The following ITM2A variants were observed in gnomAD, a reference collection of about 807,000 sequenced individuals.
ITM2A encodes integral membrane protein 2A, also known as BRICHOS domain containing 2A.
Under a neutral mutation model 16.6 loss-of-function variants are expected in ITM2A, and 11 were observed. The ratio of observed to expected loss-of-function variants is 0.66; its 90% CI spans 0.42 to 1.10. The LOEUF (loss-of-function observed/expected upper bound fraction) is 1.10. ITM2A is among the 50% of genes least tolerant of loss of function. The pLI, the probability that ITM2A is intolerant of heterozygous loss-of-function variation, is 0.00. For synonymous variants in ITM2A, 102 were observed against 71.2 expected, an observed-to-expected ratio of 1.43 and a Z score of -2.18; for missense variants, 243 against 206.8, an observed-to-expected ratio of 1.17 and a Z score of -1.07.
intron 1 of ITM2A, chrX:79,366,709 C>T (rs1445555808): frequency 7.8e-6 from 1 of 127,460 alleles, no homozygotes; most frequent in African/African-American, 3.2e-5. Context: ...GCTCACCCCC[C>T]TGTGTCCCCT....
chrX:79,362,739 A>C (rs1291804146), intron 3 of ITM2A, 48 bp from the exon 4 acceptor site: 8 of 932,497 alleles, frequency 8.6e-6, no homozygotes, highest in Non-Finnish European at 1.2e-5. Context: ...AGGCATTAAC[A>C]TTGCGAATTT....
At position 79,360,755 on chromosome X, in the gene ITM2A, G is replaced by T. The variant is rs1301443604; in HGVS notation, c.*334C>A. On this transcript the variant is annotated 3_prime_UTR_variant, in exon 6 of 6. Transcript: ENST00000373298. Reference sequence around the variant, plus strand: ...AATAAAGAGCTTACTTAAAGGAAAAGAAAAAACAAACAAACAAAAAAAACA... The same window carrying T: ...AATAAAGAGCTTACTTAAAGGAAAATAAAAAACAAACAAACAAAAAAAACA... 1 of 127,413 alleles carries T rather than the reference G, an allele frequency of 7.8e-6. No individual in the cohort carries two copies. Among genetic ancestry groups the T allele is most frequent in the Non-Finnish European group, 1.6e-5 (1 of 64,325 alleles). 10.5% of individuals were successfully genotyped at this position (127,413 alleles called of 1,213,427 possible). A position where few individuals can be genotyped will look rare whatever the true frequency, so the allele number is the denominator to read the frequency against.
At chrX:79,362,402 A>G (rs1925448897) in intron 4 of ITM2A, among the ~76,000 whole-genome samples, 179 bp downstream of exon 4, 1 of 112,080 alleles carries the variant, frequency 8.9e-6, no homozygotes, top group African/African-American at 3.2e-5. Context: ...TACACCAGAT[A>G]ATGACTGTAA....
chrX:79,365,981 A>T (rs1925561833), intron 1 of ITM2A, among the ~76,000 whole-genome samples: 1 of 112,413 alleles, frequency 8.9e-6, no homozygotes, highest in Non-Finnish European at 1.9e-5. Context: ...ATTTAACTCA[A>T]AGGACTTTTT....
At chrX:79,364,120 T>C (rs1460843225) in intron 1 of ITM2A, among the ~76,000 whole-genome samples, 2 of 112,110 alleles carry the variant, frequency 1.8e-5, no homozygotes, top group African/African-American at 6.5e-5. Flanking sequence ...ATTTATTAAC[T>C]GATTTTTCAA....
intron 1 of ITM2A, among the ~76,000 whole-genome samples, chrX:79,364,617 A>C: frequency 8.9e-6 from 1 of 111,876 alleles, no homozygotes; most frequent in East Asian, 2.8e-4. Context: ...TTAAAGAGTA[A>C]ATCATTCAAA....
chrX:79,363,576 C>A, intron 1 of ITM2A, 22 bp from the exon 2 acceptor site: 1 of 1,143,258 alleles, frequency 8.7e-7, no homozygotes, highest in South Asian at 2.2e-5. Context: ...AAAGCAAAAC[C>A]AAAAACAAAA....
intron 3 of ITM2A, 48 bp from the exon 4 acceptor site, chrX:79,362,739 A>G: frequency 1.1e-6 from 1 of 932,497 alleles, no homozygotes; most frequent in South Asian, 2.1e-5. Flanking sequence ...AGGCATTAAC[A>G]TTGCGAATTT....
At position 79,367,330 on chromosome X, in the gene ITM2A, C is replaced by CT; in HGVS notation, c.-116dup. On this transcript the variant is annotated 5_prime_UTR_variant, in exon 1 of 6. Transcript: ENST00000373298. ...CACTTACTTTATCTTCAGTCTAACA[C>CT]TACTGCAAGCCGAGGTCTGGGATAC... 2.2e-6 allele frequency: 1 copy of CT among 456,698 alleles called. No homozygotes were observed. 37.6% of individuals were successfully genotyped at this position (456,698 alleles called of 1,213,427 possible).
chrX:79,362,515 T>TA (rs1569316308), intron 4 of ITM2A, 66 bp downstream of exon 4: 3 of 567,252 alleles, frequency 5.3e-6, no homozygotes, highest in East Asian at 3.5e-5. Context: ...ATTATTTTTT[T>TA]AAAAAACAAG....
chrX:79,366,545 C>G (rs927722914), intron 1 of ITM2A, among the ~76,000 whole-genome samples: 10 of 111,216 alleles, frequency 9.0e-5, no homozygotes, highest in African/African-American at 3.3e-4. Flanking sequence ...CGCGCTCAAG[C>G]AGACCACTTG....
chrX:79,367,204 G>T lies in ITM2A; in HGVS notation c.12C>A (p.Ile4=). Residue 4 remains isoleucine (I), a synonymous_variant, in exon 1 of 6, where the codon ATC becomes ATA. Coordinates refer to ENST00000373298, the MANE Select transcript of ITM2A (RefSeq NM_004867.5). ...GCACGGCGGTAGGGGTATTGAAGGC[G>T]ATTTTCACCATAGTGAATCTTCGGG... is the stretch of plus-strand genomic sequence containing the variant. The part of the protein sequence containing the change: MVK[I]AFNTPTAVQK... The T allele has an allele frequency of 8.3e-7, 1 of 1,198,466 alleles. No homozygotes were observed. Among genetic ancestry groups the T allele is most frequent in the Non-Finnish European group, 1.1e-6 (1 of 885,549 alleles).
intron 4 of ITM2A, 53 bp from the exon 5 acceptor site, chrX:79,361,532 T>G: frequency 9.3e-7 from 1 of 1,079,337 alleles, no homozygotes; most frequent in South Asian, 2.1e-5. Context: ...CTTTTTAACT[T>G]TGAAGTTCAG....
Position 79,362,605 on chromosome X carries a change from C to T in ITM2A, c.528G>A (p.Leu176=). The change falls in exon 4 of 6, where the codon CTG becomes CTA. Residue 176 remains leucine (L), a synonymous_variant. Transcript: ENST00000373298. ...NTSIVMPPKN[L]VELFGKLASG... ...CCGCCAGTTTGCCAAAGAGCTCTAC[C>T]AGATTTTTTGGAGGCATAACAATAG... 1 of 1,194,124 alleles carries T rather than the reference C, an allele frequency of 8.4e-7. No individual in the cohort carries two copies. The highest frequency in any genetic ancestry group is 1.1e-6 in the Non-Finnish European group (1 of 884,249).
intron 3 of ITM2A, 47 bp from the exon 4 acceptor site, chrX:79,362,738 C>T (rs1210288302): frequency 2.1e-6 from 2 of 937,312 alleles, no homozygotes; most frequent in Admixed American, 2.5e-5. Context: ...AAGGCATTAA[C>T]ATTGCGAATT....
intron 1 of ITM2A, 106 bp downstream of exon 1, chrX:79,366,999 G>A: frequency 1.8e-6 from 1 of 545,690 alleles, no homozygotes; most frequent in East Asian, 3.7e-5. Context: ...CAGAGACAGC[G>A]TAAGAGGAGC....
chrX:79,360,946 G>GTT lies in ITM2A; in HGVS notation c.*141_*142dup, dbSNP rs60175547. 28,010 of 245,184 alleles carry GTT rather than the reference G, an allele frequency of 0.11. 3,608 individuals are homozygous for GTT. Among genetic ancestry groups the GTT allele is most frequent in the African/African-American group, 0.54 (17,908 of 33,017 alleles). 20.2% of individuals were successfully genotyped at this position (245,184 alleles called of 1,213,427 possible). A position where few individuals can be genotyped will look rare whatever the true frequency, so the allele number is the denominator to read the frequency against. The stretch of plus-strand genomic sequence containing the variant: ...TGACAAGAGCTTGCAGTGGTTAGTA[G>GTT]TTTTTTTTTTTCCTTTTTTTAAAGC... On this transcript the variant is annotated 3_prime_UTR_variant, in exon 6 of 6. Coordinates refer to ENST00000373298, the MANE Select transcript of ITM2A (RefSeq NM_004867.5).
rs1180835006 is a variant in ITM2A at position 79,361,406 on chromosome X, C to T, written c.626G>A (p.Ser209Asn). The stretch of plus-strand genomic sequence containing the variant: ...TTGGTAAATAAAGATGCCAAGGTTA[C>T]TAACATCACGAATTTCCTCCACAGC... ...LVAVEEIRDV[S>N]NLGIFIYQLC... Residue 209 changes from serine (S) to asparagine (N), a missense_variant, in exon 5 of 6, where the codon AGT becomes AAT. Transcript: ENST00000373298. 1.7e-6 allele frequency: 2 copies of T among 1,207,522 alleles called. No individual in the cohort carries two copies. The highest frequency in any genetic ancestry group is 4.3e-5 in the Admixed American group (2 of 46,001).
In ITM2A at chrX:79,367,332, A is replaced by G; in HGVS notation, c.-117T>C. The G allele has an allele frequency of 2.2e-6, 1 of 452,359 alleles. No homozygotes were observed. Among genetic ancestry groups the G allele is most frequent in the South Asian group, 3.7e-5 (1 of 26,823 alleles). The allele number at this position is 452,359 out of a possible 1,213,427, so 37.3% of individuals were successfully genotyped here. On this transcript the variant is annotated 5_prime_UTR_variant, in exon 1 of 6. Coordinates refer to ENST00000373298, the MANE Select transcript of ITM2A (RefSeq NM_004867.5). ...CTTACTTTATCTTCAGTCTAACACT[A>G]CTGCAAGCCGAGGTCTGGGATACTT... is the stretch of plus-strand genomic sequence containing the variant.
Sources: gnomAD v4.1 joint callset for allele counts (sites outside exome capture counted in the v4.1 genomes callset) on GRCh38, gnomAD v4.1.1 for gene constraint, MANE v1.5 for transcripts, NCBI Gene and HGNC (gene_info 2026-07-23, HGNC 2026-07-21) for gene names.